The following MREG variants were observed in gnomAD, a reference collection of about 807,000 sequenced individuals.
MREG encodes melanoregulin.
A neutral mutation model predicts 28.5 loss-of-function variants in MREG; 31 were observed. That is an observed-to-expected ratio of 1.09 (90% CI 0.82 to 1.47). The LOEUF is 1.47. Ranked by LOEUF, MREG falls within the 40% of genes most tolerant of loss-of-function variation. The pLI is 0.00. For missense variants in MREG, 256 were observed against 257.4 expected (o/e 0.99, Z 0.04); for synonymous variants, 106 against 95.2 (o/e 1.11, Z -0.66).
chr2:215,960,101 G>C (rs566786886), intron 2 of MREG, among the ~76,000 whole-genome samples: 2 of 152,188 alleles, frequency 1.3e-5, no homozygotes, highest in African/African-American at 4.8e-5. Context: ...GACTACAGGT[G>C]CATGCCACCA....
chr2:216,028,428 G>T (rs1694629537), intron 1 of MREG, among the ~76,000 whole-genome samples: 1 of 151,332 alleles, frequency 6.6e-6, no homozygotes, highest in Admixed American at 6.6e-5. Context: ...CTCGGGAGGC[G>T]GAGGCAGGAG....
At chr2:216,018,420 G>A (rs572196102), upstream of MREG, among the ~76,000 whole-genome samples, 119 of 152,302 alleles carry the variant, frequency 7.8e-4, no homozygotes, top group Non-Finnish European at 1.4e-3. Context: ...AACAATGCAC[G>A]CACATAGTGG....
intron 2 of MREG, among the ~76,000 whole-genome samples, chr2:215,964,241 T>G (rs1156745110): frequency 6.6e-6 from 1 of 152,154 alleles, no homozygotes; most frequent in Non-Finnish European, 1.5e-5. Flanking sequence ...CTCAGCACTT[T>G]GGGAGGCAGA....
intron 2 of MREG, among the ~76,000 whole-genome samples, chr2:215,979,989 A>AT (rs891591767): frequency 6.7e-6 from 1 of 150,002 alleles, no homozygotes; most frequent in African/African-American, 2.5e-5. Flanking sequence ...AAAAAAAAAA[A>AT]ACAAAAAAAA....
chr2:216,024,469 C>A (rs1419473304), intron 1 of MREG, among the ~76,000 whole-genome samples: 1 of 151,898 alleles, frequency 6.6e-6, no homozygotes, highest in Non-Finnish European at 1.5e-5. Context: ...AAAGGACGCC[C>A]CGTGCCCTCT....
intron 2 of MREG, among the ~76,000 whole-genome samples, chr2:215,962,193 C>A (rs1692810256): frequency 6.6e-6 from 1 of 152,206 alleles, no homozygotes; most frequent in Admixed American, 6.5e-5. Context: ...GGCCCCTGAC[C>A]TAATTCTTTA....
intron 2 of MREG, among the ~76,000 whole-genome samples, chr2:215,989,578 G>A (rs1395774646): frequency 6.6e-6 from 1 of 152,008 alleles, no homozygotes; most frequent in Non-Finnish European, 1.5e-5. Context: ...CTCAGAAAGT[G>A]GGTAATAACA....
rs1008989102 is a variant in MREG, at chr2:215,965,074, A to G, written c.256-17961T>C. 1.2e-4 allele frequency among the ~76,000 whole-genome samples: 19 copies of G among 152,240 alleles called. 1 individual carries two copies. The highest frequency in any genetic ancestry group is 6.3e-3 in the Middle Eastern group (2 of 316). ...AATCCCTAAGAATGATTATTTTTAAAGCTTCCTTTGTAAACCTAATCTAGC... is the reference window on the plus strand; with the variant it reads ...AATCCCTAAGAATGATTATTTTTAAGGCTTCCTTTGTAAACCTAATCTAGC... On this transcript the variant is annotated intron_variant, in intron 2 of 4. Coordinates refer to ENST00000263268, the MANE Select transcript of MREG (RefSeq NM_018000.3).
rs540407823 is a variant in MREG at position 216,013,482 on chromosome 2, C to T, written c.-155G>A. 4 of 245,596 alleles carry T rather than the reference C, an allele frequency of 1.6e-5. No homozygotes were observed. The South Asian group carries it at 6.5e-4, about 40-fold the overall frequency. The allele number at this position is 245,596 out of a possible 1,614,324, so 15.2% of individuals were successfully genotyped here. A position where few individuals can be genotyped will look rare whatever the true frequency, so the allele number is the denominator to read the frequency against. On this transcript the variant is annotated 5_prime_UTR_variant, in exon 1 of 5. Transcript: ENST00000263268. Reference sequence around the variant, plus strand: ...TGGTCCGCGCGCATCACGCCGCGGCCGGGGACGCGGGCGAGGGCTGCAGGC... The same window carrying T: ...TGGTCCGCGCGCATCACGCCGCGGCTGGGGACGCGGGCGAGGGCTGCAGGC...
rs181115808 is a variant in MREG at position 215,992,454 on chromosome 2, T to C, written c.255+3852A>G. Among the ~76,000 whole-genome samples, 6 of 152,292 alleles carry C rather than the reference T, an allele frequency of 3.9e-5. No individual in the cohort carries two copies. The East Asian group carries it at 1.2e-3, about 29-fold the overall frequency. The stretch of plus-strand genomic sequence containing the variant: ...CTGTTTATGACAAACCCACGGCCAG[T>C]ATCACACTGAATGGGCAAAAGCTGG... On this transcript the variant is annotated intron_variant, in intron 2 of 4. Transcript: ENST00000263268.
intron 1 of MREG, among the ~76,000 whole-genome samples, chr2:216,004,889 G>A (rs767117344): frequency 1.3e-5 from 2 of 152,272 alleles, no homozygotes; most frequent in Middle Eastern, 3.4e-3. Flanking sequence ...AGGGTAGAAT[G>A]TTCTGATAAA....
intron 1 of MREG, among the ~76,000 whole-genome samples, chr2:216,005,883 G>T (rs1356675766): frequency 6.8e-6 from 1 of 147,926 alleles, no homozygotes; most frequent in African/African-American, 2.5e-5. Context: ...GCCAATTCAG[G>T]ACAGTGTCAA....
intron 2 of MREG, among the ~76,000 whole-genome samples, chr2:215,989,409 C>T (rs867231131): frequency 1.3e-5 from 2 of 152,106 alleles, no homozygotes; most frequent in South Asian, 2.1e-4. Context: ...TATCAAAGAC[C>T]GAAGGTAGAT....
intron 2 of MREG, among the ~76,000 whole-genome samples, chr2:215,952,231 G>A (rs1692510726): frequency 1.3e-5 from 2 of 152,112 alleles, no homozygotes; most frequent in South Asian, 4.2e-4. Context: ...AATGAACATG[G>A]GGGTACAGAT....
Position 215,990,193 on chromosome 2 carries a change from ATC to A in MREG, c.255+6111_255+6112del, listed in dbSNP as rs569347823. 3.7e-3 allele frequency among the ~76,000 whole-genome samples: 558 copies of A among 152,358 alleles called. 1 individual carries two copies. Among genetic ancestry groups the A allele is most frequent in the African/African-American group, 0.013 (526 of 41,584 alleles). On this transcript the variant is annotated intron_variant, in intron 2 of 4. Coordinates refer to ENST00000263268, the MANE Select transcript of MREG (RefSeq NM_018000.3). ...GGGAAGACCATCAGACTAACAGCGG[ATC>A]TCTCTGCAGAAACCCCACAAGCCAG...
intron 1 of MREG, among the ~76,000 whole-genome samples, chr2:216,002,773 C>T (rs553843919): frequency 6.6e-6 from 1 of 152,206 alleles, no homozygotes; most frequent in African/African-American, 2.4e-5. Flanking sequence ...TCCCCATTCT[C>T]CTTCTTTGTC....
chr2:216,006,882 C>T (rs1694169274), intron 1 of MREG, among the ~76,000 whole-genome samples: 2 of 152,148 alleles, frequency 1.3e-5, no homozygotes, highest in African/African-American at 2.4e-5. Flanking sequence ...CCTGGTTTCC[C>T]TAGCTTCAAT....
intron 1 of MREG, among the ~76,000 whole-genome samples, chr2:215,996,668 T>C (rs1437202832): frequency 6.6e-6 from 1 of 152,128 alleles, no homozygotes; most frequent in Non-Finnish European, 1.5e-5. Flanking sequence ...ATAAATCACT[T>C]TAAAAAGAAC....
chr2:216,007,580 C>T (rs1230488999), intron 1 of MREG, among the ~76,000 whole-genome samples: 1 of 151,986 alleles, frequency 6.6e-6, no homozygotes, highest in East Asian at 1.9e-4. Context: ...CAGGCATGTG[C>T]CACCACGCCC....
Sources: allele counts gnomAD v4.1 joint callset (sites outside exome capture counted in the v4.1 genomes callset), GRCh38; gene constraint gnomAD v4.1.1; transcripts MANE v1.5; gene names NCBI Gene and HGNC (gene_info 2026-07-23, HGNC 2026-07-21).